Variants in SART1 observed in about 807,000 individuals in gnomAD.
The protein encoded by SART1 is spliceosome associated factor 1, recruiter of U4/U6.U5 tri-snRNP.
In SART1, 28 loss-of-function variants were observed where a neutral mutation model predicts 105.0. The ratio of observed to expected loss-of-function variants is 0.27; its 90% CI spans 0.20 to 0.37. The LOEUF (loss-of-function observed/expected upper bound fraction) is 0.37. SART1 is among the 10% of genes least tolerant of loss of function. SART1 has a pLI of 1.00. For missense variants in SART1, 894 were observed against 1,106.5 expected (o/e 0.81, Z 2.72); for synonymous variants, 472 against 462.9 (o/e 1.02, Z -0.25).
intron 3 of SART1, among the ~76,000 whole-genome samples, chr11:65,964,815 G>A (rs1156824098): frequency 1.3e-5 from 2 of 152,230 alleles, no homozygotes; most frequent in East Asian, 3.8e-4. Flanking sequence ...ACTGGAAGAT[G>A]TGCACACTTG....
intron 12 of SART1, among the ~76,000 whole-genome samples, chr11:65,973,933 G>A (rs1253198311): frequency 2.0e-5 from 3 of 152,280 alleles, no homozygotes; most frequent in South Asian, 2.1e-4. Context: ...GTCCTTATGT[G>A]CTAAAGCCAT....
chr11:65,977,124 G>A, intron 15 of SART1, 23 bp downstream of exon 15: 1 of 1,575,354 alleles, frequency 6.3e-7, no homozygotes, highest in Non-Finnish European at 8.7e-7. Flanking sequence ...GGGCAGCCAT[G>A]ACTTGGGTGG....
chr11:65,976,543 A>G lies in SART1; in HGVS notation c.1721A>G (p.Asn574Ser). 6.2e-7 allele frequency: 1 copy of G among 1,608,818 alleles called. No individual in the cohort carries two copies. Among genetic ancestry groups the G allele is most frequent in the South Asian group, 1.1e-5 (1 of 90,664 alleles). Residue 574 changes from asparagine (N) to serine (S), a missense_variant, in exon 13 of 20, where the codon AAT (asparagine) becomes AGT (serine). Coordinates refer to ENST00000312397, the MANE Select transcript of SART1 (RefSeq NM_005146.5). The surrounding 1 kb of genome is among the most constrained non-coding windows in gnomAD (Gnocchi z 5.1). ...ATCCCCACCTACGGGCTGGCTGGCA[A>G]TCGCGAGGAGCAGGAGGAGCTCATG... ...GEIPTYGLAG[N>S]REEQEELMDF...
At position 65,966,510 on chromosome 11, in the gene SART1, C is replaced by A; in HGVS notation, c.1142C>A (p.Thr381Lys). ...CGGCTGCAGGCTCAGTCCCTGAGCA[C>A]AGTGGGGCCCCGGCTGGCCTCCGAA... ...KLRLQAQSLS[T>K]VGPRLASEYL... is the part of the protein sequence containing the mutation. Residue 381 changes from threonine to lysine, a missense_variant, in exon 9 of 20, where the codon ACA (threonine) becomes AAA (lysine). Around this residue, in one of 2 missense-constraint regions of SART1, gnomAD observed 712 missense variants for 778.2 expected, o/e 0.91. Transcript: ENST00000312397. 6.3e-7 allele frequency: 1 copy of A among 1,585,832 alleles called. No homozygotes were observed. The highest frequency in any genetic ancestry group is 1.2e-5 in the South Asian group (1 of 86,858).
At chr11:65,965,547 G>C in intron 5 of SART1, 100 bp downstream of exon 5, 2 of 1,372,096 alleles carry the variant, frequency 1.5e-6, no homozygotes, top group Non-Finnish European at 2.0e-6. Flanking sequence ...GGGGCTTGGA[G>C]AAGGGAAGGG....
At chr11:65,965,007 G>T (rs1565312460) in intron 3 of SART1, 85 bp from the exon 4 acceptor site, 5 of 1,481,880 alleles carry the variant, frequency 3.4e-6, no homozygotes, top group Non-Finnish European at 4.5e-6. Flanking sequence ...GGCCCCCTGA[G>T]CTGGAAGGGG....
chr11:65,961,776 C>G lies in SART1; in HGVS notation c.-5C>G. 6.6e-7 allele frequency: 1 copy of G among 1,507,522 alleles called. No homozygotes were observed. 93.4% of individuals were successfully genotyped at this position (1,507,522 alleles called of 1,614,324 possible). On this transcript the variant is annotated 5_prime_UTR_variant, in exon 1 of 20. Transcript: ENST00000312397. ...GGCAGCCGGGCTCGGAGTGGACGTG[C>G]CACTATGGGGTCGTCCAAGAAGCAT...
intron 12 of SART1, among the ~76,000 whole-genome samples, chr11:65,975,580 G>GT (rs1474584858): frequency 6.6e-6 from 1 of 151,380 alleles, no homozygotes; most frequent in Admixed American, 6.6e-5. Context: ...TAATTTTTAT[G>GT]TTTTTTGTAG....
At position 65,962,100 on chromosome 11, in the gene SART1, AGGCGGGGCCTGCGCAGGG is replaced by A; in HGVS notation, c.313+14_313+31del. On this transcript the variant is annotated splice_region_variant and intron_variant, in intron 1 of 19. Coordinates refer to ENST00000312397, the MANE Select transcript of SART1 (RefSeq NM_005146.5). ...GATGACGGCTACGAGGCCGGTGAGG[AGGCGGGGCCTGCGCAGGG>A]GGCGGGTCGGGCGGGGGTCCCGGAA... 7 of 191,040 alleles carry A rather than the reference AGGCGGGGCCTGCGCAGGG, an allele frequency of 3.7e-5. No homozygotes were observed. The highest frequency in any genetic ancestry group is 9.4e-5 in the South Asian group (1 of 10,636). 11.8% of individuals were successfully genotyped at this position (191,040 alleles called of 1,614,324 possible). A position where few individuals can be genotyped will look rare whatever the true frequency, so the allele number is the denominator to read the frequency against.
chr11:65,976,731 A>T lies in SART1; in HGVS notation c.1822A>T (p.Thr608Ser), dbSNP rs762049645. 76 of 1,612,868 alleles carry T rather than the reference A, an allele frequency of 4.7e-5. 2 individuals are homozygous for T. The South Asian group carries it at 7.8e-4, about 17-fold the overall frequency. ...CGGGGAGGAGAACATCGGCTGGAGC[A>T]CGGTGAACCTGGACGAGGAGAAGCA... is the stretch of plus-strand genomic sequence containing the variant. ...SDGEENIGWS[T>S]VNLDEEKQQQ... The change falls in exon 14 of 20, where the codon ACG (threonine) becomes TCG (serine). Residue 608 changes from threonine (T) to serine (S), a missense_variant. Physicochemically the swap from Thr to Ser is moderately conservative, Grantham distance 58 (BLOSUM62 1). Transcript: ENST00000312397. The surrounding 1 kb of genome is among the most constrained non-coding windows in gnomAD (Gnocchi z 5.1).
intron 1 of SART1, among the ~76,000 whole-genome samples, chr11:65,962,924 A>T (rs1164705970): frequency 1.3e-5 from 2 of 151,482 alleles, no homozygotes; most frequent in Non-Finnish European, 2.9e-5. Context: ...GAGCAGCCAG[A>T]TAGGTAGTGG....
At chr11:65,972,763 G>T (rs1250644971) in intron 12 of SART1, among the ~76,000 whole-genome samples, 1 of 150,940 alleles carries the variant, frequency 6.6e-6, no homozygotes, top group African/African-American at 2.4e-5. Flanking sequence ...GATAGCCTGG[G>T]TGATAGAACA....
At chr11:65,964,420 TCA>T in intron 2 of SART1, 93 bp from the exon 3 acceptor site, 1 of 1,431,172 alleles carries the variant, frequency 7.0e-7, no homozygotes, top group East Asian at 2.3e-5. Flanking sequence ...TTGGGACCAC[TCA>T]CTCCCACCCT....
rs1405576559 is a variant in SART1 at position 65,979,753 on chromosome 11, A to G, written c.*723A>G. 2 of 152,216 alleles carry G rather than the reference A, an allele frequency of 1.3e-5. No homozygotes were observed. The highest frequency in any genetic ancestry group is 2.1e-4 in the South Asian group (1 of 4,832). 9.4% of individuals were successfully genotyped at this position (152,216 alleles called of 1,614,324 possible). A position where few individuals can be genotyped will look rare whatever the true frequency, so the allele number is the denominator to read the frequency against. On this transcript the variant is annotated 3_prime_UTR_variant, in exon 20 of 20. Coordinates refer to ENST00000312397, the MANE Select transcript of SART1 (RefSeq NM_005146.5). ...CCACGTACACCCACATACTTCTCAG[A>G]TGGCTCCCACATTTTAAGATTTTAA...
chr11:65,969,816 G>A (rs895499886), intron 12 of SART1, among the ~76,000 whole-genome samples: 8 of 152,286 alleles, frequency 5.3e-5, no homozygotes, highest in South Asian at 2.1e-4. Context: ...TCCATGTCCC[G>A]GGCTCAAGCA....
chr11:65,975,958 A>G (rs1855473001), intron 12 of SART1, among the ~76,000 whole-genome samples: 1 of 152,124 alleles, frequency 6.6e-6, no homozygotes, highest in Non-Finnish European at 1.5e-5. Context: ...GGAAGCGAGA[A>G]GCTGGGCTGT....
In SART1 at chr11:65,978,895, A is replaced by G. The variant is rs761358159; in HGVS notation, c.2365A>G (p.Ser789Gly). 6.2e-7 allele frequency: 1 copy of G among 1,613,768 alleles called. No homozygotes were observed. The highest frequency in any genetic ancestry group is 1.3e-5 in the African/African-American group (1 of 74,866). Residue 789 changes from serine to glycine, a missense_variant, in exon 19 of 20, where the codon AGC becomes GGC. Ser to Gly is a moderately conservative substitution (Grantham distance 56). Around this residue, in one of 2 missense-constraint regions of SART1, gnomAD observed 182 missense variants for 328.3 expected, o/e 0.55. Transcript: ENST00000312397. This position sits in a 1 kb window ranked among gnomAD's most constrained non-coding sequence, Gnocchi z 6.8. ...QKTPYIVLSG[S>G]GKSMNANTIT... ...GACCCCCTACATCGTGCTCAGCGGC[A>G]GCGGCAAGAGCATGAACGCGTGAGT...
In SART1 at chr11:65,961,945, G is replaced by A. The variant is rs578241739; in HGVS notation, c.165G>A (p.Arg55=). Reference sequence around the variant, plus strand: ...GTAGCGGTGGCGAACGACGGAAGCGGAGCCGGGAACGTGGGGGCGAGCGCG... The same window carrying A: ...GTAGCGGTGGCGAACGACGGAAGCGAAGCCGGGAACGTGGGGGCGAGCGCG... ...SGGSGGERRK[R]SRERGGERGS... is the part of the protein sequence containing the mutation. Residue 55 remains arginine (R), a synonymous_variant, in exon 1 of 20, where the codon CGG becomes CGA. Transcript: ENST00000312397. 3.5e-4 allele frequency: 528 copies of A among 1,527,792 alleles called. No homozygotes were observed. Among genetic ancestry groups the A allele is most frequent in the Non-Finnish European group, 4.3e-4 (487 of 1,138,364 alleles). The allele number at this position is 1,527,792 out of a possible 1,614,324, so 94.6% of individuals were successfully genotyped here.
intron 9 of SART1, 82 bp from the exon 10 acceptor site, chr11:65,967,177 A>G (rs1855276382): frequency 3.2e-6 from 5 of 1,559,010 alleles, no homozygotes; most frequent in Middle Eastern, 3.4e-4. Context: ...GAGGAACACC[A>G]AAGAAGTGTT....
Sources: gnomAD v4.1 joint callset for allele counts (sites outside exome capture counted in the v4.1 genomes callset) on GRCh38, gnomAD v4.1.1 for gene constraint, gnomAD v4.1.1 regional missense constraint, Gnocchi (gnomAD v3.1) non-coding constraint, MANE v1.5 for transcripts, NCBI Gene and HGNC (gene_info 2026-07-23, HGNC 2026-07-21) for gene names.